The following NDE1 variants were observed in gnomAD, a reference collection of about 807,000 sequenced individuals.
The protein encoded by NDE1 is nudE neurodevelopment protein 1.
In NDE1, 28 loss-of-function variants were observed where a neutral mutation model predicts 43.4. The ratio of observed to expected loss-of-function variants is 0.65; its 90% CI spans 0.48 to 0.89. The LOEUF (loss-of-function observed/expected upper bound fraction) is 0.89, where lower values mean the gene tolerates loss of function less well. NDE1 is among the 40% of genes least tolerant of loss of function. The probability of loss-of-function intolerance (pLI) is 0.00; values close to 1 mark genes in which losing one functional copy is unlikely to be tolerated. For missense variants in NDE1, 441 were observed against 434.1 expected, an observed-to-expected ratio of 1.02 and a Z score of -0.14; for synonymous variants, 184 against 172.0, an observed-to-expected ratio of 1.07 and a Z score of -0.55.
At position 15,721,565 on chromosome 16, in the gene NDE1, T is replaced by G. The variant is rs1298414472; in HGVS notation, c.948-2626T>G. 6.2e-7 allele frequency: 1 copy of G among 1,614,238 alleles called. No homozygotes were observed. The highest frequency in any genetic ancestry group is 1.3e-5 in the African/African-American group (1 of 75,070). ...GACAGGGCCTTGGTTTCCTTCTCCC[T>G]GGCTTCTGCCTCAGCTCTGTCCCTC... On this transcript the variant is annotated intron_variant, in intron 8 of 8. Transcript: ENST00000396354.
At chr16:15,674,606 G>A (rs1055596775) in intron 3 of NDE1, among the ~76,000 whole-genome samples, 6 of 152,130 alleles carry the variant, frequency 3.9e-5, no homozygotes, top group African/African-American at 1.2e-4. Flanking sequence ...TGCTACAACG[G>A]AGAGTCCTGG....
At chr16:15,649,516 C>CG (rs908238523), upstream of NDE1, 2 of 152,128 alleles carry the variant, frequency 1.3e-5, no homozygotes, top group East Asian at 1.9e-4. Context: ...TTAGTAGAGA[C>CG]GGGGTTTCAC....
intron 3 of NDE1, chr16:15,672,537 T>C (rs2037648870): frequency 6.6e-6 from 1 of 152,204 alleles, no homozygotes; most frequent in Admixed American, 6.6e-5. Flanking sequence ...GGGCCGGACT[T>C]CTTAACAACT....
At chr16:15,715,383 C>T in intron 8 of NDE1, 1 of 937,520 alleles carries the variant, frequency 1.1e-6, no homozygotes, top group Non-Finnish European at 1.7e-6. Context: ...CGTATCTGGA[C>T]TCCTCTCAAG....
chr16:15,678,614 T>A (rs2038008191), intron 4 of NDE1, among the ~76,000 whole-genome samples: 1 of 152,128 alleles, frequency 6.6e-6, no homozygotes, highest in Admixed American at 6.6e-5. Flanking sequence ...GTGCTGTGAT[T>A]ACAGGTGTGA....
rs780206041 is a variant in NDE1 at position 15,725,042 on chromosome 16, C to G, written c.*791C>G. Reference sequence around the variant, plus strand: ...GTCAAAGCCTCTAGAAGGGGATCCTCGTTGAAAGGAGCCCTTTTTACTCAA... The same window carrying G: ...GTCAAAGCCTCTAGAAGGGGATCCTGGTTGAAAGGAGCCCTTTTTACTCAA... On this transcript the variant is annotated 3_prime_UTR_variant, in exon 9 of 9. Transcript: ENST00000396354. 2 of 1,514,988 alleles carry G rather than the reference C, an allele frequency of 1.3e-6. No individual in the cohort carries two copies. Among genetic ancestry groups the G allele is most frequent in the East Asian group, 4.6e-5 (2 of 43,766 alleles). The allele number at this position is 1,514,988 out of a possible 1,614,324, so 93.8% of individuals were successfully genotyped here.
Position 15,724,307 on chromosome 16 carries a change from G to T in NDE1, c.*56G>T. The T allele has an allele frequency of 6.2e-7, 1 of 1,614,168 alleles. No individual in the cohort carries two copies. ...TAAGCGGCCGCCTTCTCCTCGTACT[G>T]CTGGGTGAGGTTCTCGATCTCCTTC... On this transcript the variant is annotated 3_prime_UTR_variant, in exon 9 of 9. Coordinates refer to ENST00000396354, the MANE Select transcript of NDE1 (RefSeq NM_017668.3).
chr16:15,661,627 A>G (rs898710757), intron 1 of NDE1, among the ~76,000 whole-genome samples: 2 of 151,622 alleles, frequency 1.3e-5, no homozygotes, highest in Non-Finnish European at 2.9e-5. Flanking sequence ...TATTTTTTGT[A>G]GAGATAGGGT....
chr16:15,655,251 C>G (rs2036703450), intron 1 of NDE1, among the ~76,000 whole-genome samples: 1 of 152,112 alleles, frequency 6.6e-6, no homozygotes, highest in Non-Finnish European at 1.5e-5. Flanking sequence ...CCCCTGGGCT[C>G]AAGCAATCCA....
Position 15,687,509 on chromosome 16 carries a change from G to A in NDE1, c.521G>A (p.Arg174Lys). Residue 174 changes from arginine (R) to lysine (K), a missense_variant and splice_region_variant, in exon 5 of 9, where the codon AGA becomes AAA. By Grantham distance (26) the Arg-to-Lys change is conservative. Transcript: ENST00000396354. Reference protein sequence around the residue: ...ESVQRLKDEARDLRQELAVQQ... With the variant: ...ESVQRLKDEAKDLRQELAVQQ... ...GTTCAGAGACTGAAGGATGAAGCCA[G>A]AGGTCAGGAGGCCTTGGTGTCTTCA... 6.2e-7 allele frequency: 1 copy of A among 1,613,654 alleles called. No homozygotes were observed. Among genetic ancestry groups the A allele is most frequent in the Non-Finnish European group, 8.5e-7 (1 of 1,179,694 alleles).
Position 15,667,458 on chromosome 16 carries a change from G to C in NDE1, c.237+19G>C. 6.2e-7 allele frequency: 1 copy of C among 1,613,164 alleles called. No homozygotes were observed. The highest frequency in any genetic ancestry group is 2.2e-5 in the East Asian group (1 of 44,854). ...CATCAAGGTGAGGGGCTGAGAGGAA[G>C]TGTGCTCAGGTGTAGACAGGCGTCC... is the stretch of plus-strand genomic sequence containing the variant. On this transcript the variant is annotated intron_variant, in intron 3 of 8. Transcript: ENST00000396354.
At chr16:15,682,440 T>G (rs1276876696) in intron 4 of NDE1, among the ~76,000 whole-genome samples, 1 of 152,236 alleles carries the variant, frequency 6.6e-6, no homozygotes, top group Non-Finnish European at 1.5e-5. Context: ...TTTGACAGTC[T>G]TCTCCAAGAA....
chr16:15,687,288 T>C, intron 4 of NDE1, 87 bp from the exon 5 acceptor site: 1 of 1,606,980 alleles, frequency 6.2e-7, no homozygotes, highest in Non-Finnish European at 8.5e-7. Flanking sequence ...CCCAGGTGTG[T>C]CTGACCCTTC....
At chr16:15,689,887 C>T (rs544060115) in intron 5 of NDE1, among the ~76,000 whole-genome samples, 244 of 147,592 alleles carry the variant, frequency 1.7e-3, no homozygotes, top group Non-Finnish European at 2.9e-3. Context: ...TACAGTGAGC[C>T]GAGACTGTGC....
intron 6 of NDE1, among the ~76,000 whole-genome samples, chr16:15,693,915 G>T (rs952553126): frequency 2.0e-5 from 3 of 152,144 alleles, no homozygotes; most frequent in African/African-American, 2.4e-5. Context: ...ACTCCAGTCC[G>T]GGTGACAGAG....
chr16:15,710,313 G>A (rs2039708033), intron 8 of NDE1, among the ~76,000 whole-genome samples: 1 of 152,032 alleles, frequency 6.6e-6, no homozygotes, highest in South Asian at 2.1e-4. Context: ...ACGAGGTCAG[G>A]AGATCGAGAC....
Position 15,725,703 on chromosome 16 carries a change from C to T in NDE1, c.*1452C>T. ...CATCTCACTTAATTCTTCCCTCGCCCCTTGGTCCCTGGCTGTGGACATGTT... is the reference window on the plus strand; with the variant it reads ...CATCTCACTTAATTCTTCCCTCGCCTCTTGGTCCCTGGCTGTGGACATGTT... On this transcript the variant is annotated 3_prime_UTR_variant, in exon 9 of 9. Coordinates refer to ENST00000396354, the MANE Select transcript of NDE1 (RefSeq NM_017668.3). 5.0e-6 allele frequency: 2 copies of T among 398,944 alleles called. No homozygotes were observed. The highest frequency in any genetic ancestry group is 3.6e-5 in the East Asian group (1 of 28,086). 24.7% of individuals were successfully genotyped at this position (398,944 alleles called of 1,614,324 possible).
chr16:15,671,187 A>C (rs909732928), intron 3 of NDE1, among the ~76,000 whole-genome samples: 6 of 151,954 alleles, frequency 3.9e-5, no homozygotes, highest in Non-Finnish European at 7.4e-5. Context: ...CATCCATCAA[A>C]ATTTGTAAAG....
At chr16:15,714,604 A>C (rs2040011371) in intron 8 of NDE1, 1 of 522,484 alleles carries the variant, frequency 1.9e-6, no homozygotes, top group Admixed American at 3.2e-5. Context: ...TGATGCAATG[A>C]AGGAGGGGCT....
Sources: allele counts gnomAD v4.1 joint callset (sites outside exome capture counted in the v4.1 genomes callset), GRCh38; gene constraint gnomAD v4.1.1; transcripts MANE v1.5; gene names NCBI Gene and HGNC (gene_info 2026-07-23, HGNC 2026-07-21).